The following PLCB1 variants were observed in gnomAD, a reference collection of about 807,000 sequenced individuals.
PLCB1 encodes the protein 1-phosphatidylinositol 4,5-bisphosphate phosphodiesterase beta-1.
PLCB1 carries 46 observed loss-of-function variants against 161.8 expected under a neutral mutation model. That is an observed-to-expected ratio of 0.28 (90% CI 0.22 to 0.36). PLCB1 has a LOEUF of 0.36. PLCB1 is among the 10% of genes least tolerant of loss of function. The probability of loss-of-function intolerance (pLI) is 1.00; values close to 1 mark genes in which losing one functional copy is unlikely to be tolerated. For synonymous variants in PLCB1, 517 were observed against 503.7 expected, an observed-to-expected ratio of 1.03 and a Z score of -0.35; for missense variants, 1,016 against 1,472.5, an observed-to-expected ratio of 0.69 and a Z score of 5.07.
At chr20:8,308,432 C>A (rs1170726398) in intron 2 of PLCB1, among the ~76,000 whole-genome samples, 2 of 151,670 alleles carry the variant, frequency 1.3e-5, no homozygotes, top group African/African-American at 4.8e-5. Flanking sequence ...GCCTGGCCAA[C>A]ATGGTGAAAC....
At chr20:8,706,521 C>G (rs925019031) in intron 11 of PLCB1, among the ~76,000 whole-genome samples, 6 of 152,184 alleles carry the variant, frequency 3.9e-5, no homozygotes, top group Non-Finnish European at 8.8e-5. Flanking sequence ...GAGAATGGCT[C>G]TACTGTATTT....
chr20:8,166,454 C>T (rs1358824840), intron 2 of PLCB1, among the ~76,000 whole-genome samples: 3 of 152,212 alleles, frequency 2.0e-5, no homozygotes, highest in South Asian at 2.1e-4. Context: ...TCGCAATCTA[C>T]TTTACTGGCT....
At chr20:8,569,328 T>C (rs1986433264) in intron 3 of PLCB1, among the ~76,000 whole-genome samples, 1 of 152,124 alleles carries the variant, frequency 6.6e-6, no homozygotes, top group Non-Finnish European at 1.5e-5. Context: ...AATAGTAAAA[T>C]ACATATCAGA....
chr20:8,808,344 T>C (rs1326093617), intron 31 of PLCB1, among the ~76,000 whole-genome samples: 1 of 152,216 alleles, frequency 6.6e-6, no homozygotes, highest in Non-Finnish European at 1.5e-5. Context: ...GGCCTTTCTA[T>C]GCACATGCAC....
At chr20:8,549,734 G>C (rs574164673) in intron 3 of PLCB1, among the ~76,000 whole-genome samples, 37 of 152,148 alleles carry the variant, frequency 2.4e-4, no homozygotes, top group African/African-American at 8.4e-4. Context: ...CCAATGCCTG[G>C]CTAACTTTTG....
intron 2 of PLCB1, among the ~76,000 whole-genome samples, chr20:8,316,893 TA>T (rs1315250246): frequency 2.0e-5 from 3 of 152,124 alleles, no homozygotes; most frequent in African/African-American, 7.2e-5. Context: ...CCTTCTCTCA[TA>T]AAAAATTTAT....
rs1457555471 is a variant in PLCB1 at position 8,726,478 on chromosome 20, G to T, written c.1679-831G>T. Among the ~76,000 whole-genome samples, 5 of 152,070 alleles carry T rather than the reference G, an allele frequency of 3.3e-5. No individual in the cohort carries two copies. In the East Asian group the frequency reaches 9.6e-4, roughly 29 times the overall value. ...AGAGGTTTAGTTGACTCACAGTTCT[G>T]CATGGCTGGGGAGACCTCAGGAAAC... is the stretch of plus-strand genomic sequence containing the variant. On this transcript the variant is annotated intron_variant, in intron 16 of 31. Coordinates refer to ENST00000338037, the MANE Select transcript of PLCB1 (RefSeq NM_015192.4).
intron 3 of PLCB1, among the ~76,000 whole-genome samples, chr20:8,438,335 A>G (rs1269911754): frequency 3.3e-5 from 5 of 152,220 alleles, no homozygotes; most frequent in African/African-American, 1.2e-4. Context: ...TATACATAAT[A>G]TACTTTTTAT....
intron 3 of PLCB1, among the ~76,000 whole-genome samples, chr20:8,468,475 G>A (rs1981911949): frequency 6.6e-6 from 1 of 152,084 alleles, no homozygotes; most frequent in Non-Finnish European, 1.5e-5. Context: ...TCTGTAAAAT[G>A]GATGATTTTC....
At chr20:8,181,079 C>A (rs188380005) in intron 2 of PLCB1, among the ~76,000 whole-genome samples, 4 of 151,380 alleles carry the variant, frequency 2.6e-5, no homozygotes, top group African/African-American at 9.7e-5. Flanking sequence ...GGCGAAACCC[C>A]GTCTCTACTA....
At chr20:8,880,270 C>T (rs938775673) in intron 31 of PLCB1, among the ~76,000 whole-genome samples, 1 of 152,136 alleles carries the variant, frequency 6.6e-6, no homozygotes, top group African/African-American at 2.4e-5. Flanking sequence ...TTCTCTTGGA[C>T]TCAGCACAGC....
At chr20:8,420,691 C>T (rs561831630) in intron 3 of PLCB1, among the ~76,000 whole-genome samples, 1 of 152,322 alleles carries the variant, frequency 6.6e-6, no homozygotes, top group South Asian at 2.1e-4. Flanking sequence ...TGAATAGCTA[C>T]AGCAGCATTC....
chr20:8,405,286 C>G (rs1015183125), intron 3 of PLCB1, among the ~76,000 whole-genome samples: 1 of 152,070 alleles, frequency 6.6e-6, no homozygotes, highest in African/African-American at 2.4e-5. Context: ...TACTCATCTC[C>G]GCGTGTTTTG....
chr20:8,435,253 A>C (rs539470816), intron 3 of PLCB1, among the ~76,000 whole-genome samples: 1 of 150,156 alleles, frequency 6.7e-6, no homozygotes, highest in South Asian at 2.1e-4. Flanking sequence ...GGTAGACCTA[A>C]TTCTGAGATG....
chr20:8,300,761 A>G (rs762252244), intron 2 of PLCB1, among the ~76,000 whole-genome samples: 2 of 152,184 alleles, frequency 1.3e-5, no homozygotes, highest in African/African-American at 4.8e-5. Context: ...CACAGAGCCT[A>G]GCACAATGCC....
chr20:8,149,497 C>G (rs2051487315), intron 1 of PLCB1, among the ~76,000 whole-genome samples: 1 of 152,086 alleles, frequency 6.6e-6, no homozygotes, highest in Non-Finnish European at 1.5e-5. Flanking sequence ...ATATGACACA[C>G]TATGGTTATG....
intron 8 of PLCB1, among the ~76,000 whole-genome samples, chr20:8,658,126 G>C (rs1989516634): frequency 6.6e-6 from 1 of 152,074 alleles, no homozygotes; most frequent in Admixed American, 6.6e-5. Context: ...ACTCAAACGG[G>C]TTGTTTACTT....
chr20:8,859,986 T>C (rs577552765), intron 31 of PLCB1, among the ~76,000 whole-genome samples: 15 of 152,338 alleles, frequency 9.8e-5, no homozygotes, highest in African/African-American at 3.1e-4. Flanking sequence ...ATATGTGGGC[T>C]TTTTGTTAAA....
At chr20:8,553,003 C>CT (rs1446290468) in intron 3 of PLCB1, among the ~76,000 whole-genome samples, 1 of 152,112 alleles carries the variant, frequency 6.6e-6, no homozygotes, top group Non-Finnish European at 1.5e-5. Context: ...TGAGCTGTAT[C>CT]TTTGATATAT....
Sources: allele counts gnomAD v4.1 joint callset (sites outside exome capture counted in the v4.1 genomes callset), GRCh38; gene constraint gnomAD v4.1.1; transcripts MANE v1.5; gene names NCBI Gene and HGNC (gene_info 2026-07-23, HGNC 2026-07-21).